The following RSPH14 variants were observed in gnomAD, a reference collection of about 807,000 sequenced individuals.
RSPH14 encodes the protein rhabdoid tumor deletion region gene 1.
A neutral mutation model predicts 26.7 loss-of-function variants in RSPH14; 20 were observed. That is an observed-to-expected ratio of 0.75 (90% CI 0.53 to 1.09). The LOEUF (loss-of-function observed/expected upper bound fraction) is 1.09. Ranked by LOEUF, RSPH14 falls within the 50% of genes least tolerant of loss-of-function variation. RSPH14 has a pLI of 0.00. For missense variants in RSPH14, 449 were observed against 457.2 expected, an observed-to-expected ratio of 0.98 and a Z score of 0.16; for synonymous variants, 177 against 189.3, an observed-to-expected ratio of 0.93 and a Z score of 0.53.
At chr22:23,087,284 AG>A (rs1205631788) in intron 4 of RSPH14, among the ~76,000 whole-genome samples, 8 of 152,090 alleles carry the variant, frequency 5.3e-5, no homozygotes, top group African/African-American at 1.9e-4. Flanking sequence ...TGAGCAACAT[AG>A]TGAGACCCCC....
At chr22:23,068,742 A>G (rs1214699910) in intron 4 of RSPH14, among the ~76,000 whole-genome samples, 1 of 152,202 alleles carries the variant, frequency 6.6e-6, no homozygotes, top group Non-Finnish European at 1.5e-5. Context: ...TCCTATAAAC[A>G]TTAACCCTCA....
At chr22:23,094,118 C>T (rs2069058701) in intron 4 of RSPH14, among the ~76,000 whole-genome samples, 1 of 152,150 alleles carries the variant, frequency 6.6e-6, no homozygotes, top group Admixed American at 6.5e-5. Flanking sequence ...CACCCCAGGG[C>T]CTGTCACAGA....
chr22:23,153,133 A>G, the RSPH14 span: 1 of 1,613,152 alleles, frequency 6.2e-7, no homozygotes, highest in Non-Finnish European at 8.5e-7. Context: ...TAGCCTCCAG[A>G]TGTAAGTTGC....
chr22:23,134,269 T>G, intron 3 of RSPH14, 125 bp from the exon 4 acceptor site: 1 of 689,756 alleles, frequency 1.4e-6, no homozygotes. Context: ...TTCCTCTGGC[T>G]TTGTGGGAGC....
upstream of RSPH14, among the ~76,000 whole-genome samples, chr22:23,148,074 T>C (rs944786765): frequency 6.6e-6 from 1 of 152,094 alleles, no homozygotes; most frequent in African/African-American, 2.4e-5. Context: ...CTTTTTTGCA[T>C]CTTGGATTCT....
At chr22:23,123,004 G>C in intron 4 of RSPH14, 1 of 897,944 alleles carries the variant, frequency 1.1e-6, no homozygotes, top group Admixed American at 1.9e-5. Flanking sequence ...CCTAGCAAAG[G>C]CTTCCTCTGG....
chr22:23,059,723 A>C lies in RSPH14; in HGVS notation c.791-5T>G, dbSNP rs1234359693. ...CCTCCAGGGCCGCATACTTCCCTGC[A>C]GGCCACCAACACAAGGCGTTCCAAA... On this transcript the variant is annotated splice_polypyrimidine_tract_variant and splice_region_variant and intron_variant, in intron 6 of 6. Transcript: ENST00000216036. The C allele has an allele frequency of 6.6e-7, 1 of 1,515,906 alleles. No homozygotes were observed. The highest frequency in any genetic ancestry group is 2.3e-5 in the East Asian group (1 of 44,014). The allele number at this position is 1,515,906 out of a possible 1,614,324, so 93.9% of individuals were successfully genotyped here.
At chr22:23,145,062 G>T (rs1279285195), upstream of RSPH14, 2 of 449,596 alleles carry the variant, frequency 4.4e-6, no homozygotes, top group Admixed American at 7.1e-5. Flanking sequence ...GTAGATGGTA[G>T]GCAGGTCTAT....
intron 4 of RSPH14, among the ~76,000 whole-genome samples, chr22:23,073,744 C>CATTT (rs1345407636): frequency 1.3e-5 from 2 of 152,226 alleles, no homozygotes; most frequent in African/African-American, 2.4e-5. Flanking sequence ...TTCATCCATT[C>CATTT]ATTTGTTCAG....
intron 4 of RSPH14, among the ~76,000 whole-genome samples, chr22:23,089,620 C>T (rs1323480260): frequency 1.3e-5 from 2 of 152,152 alleles, no homozygotes; most frequent in Non-Finnish European, 2.9e-5. Flanking sequence ...GTTACAGGAA[C>T]AGACTTGAGA....
At chr22:23,156,535 G>A in the RSPH14 span, among the ~76,000 whole-genome samples, 1 of 152,174 alleles carries the variant, frequency 6.6e-6, no homozygotes, top group East Asian at 1.9e-4. Flanking sequence ...CGTCAGCAGG[G>A]GGCGGCAGCA....
chr22:23,180,391 G>C, the RSPH14 span: 1 of 168,246 alleles, frequency 5.9e-6, no homozygotes, highest in South Asian at 1.9e-4. Context: ...CTCGATGGGG[G>C]AGCCGCCTCC....
the RSPH14 span, among the ~76,000 whole-genome samples, chr22:23,171,855 C>CAAAAAAAAAAAAAAAAAAAAAAAA: frequency 8.0e-5 from 2 of 25,054 alleles, no homozygotes. Flanking sequence ...AAAAAAAAAA[C>CAAAAAAAAAAAAAAAAAAAAAAAA]AAAAAAAAAA....
chr22:23,140,475 A>G lies in RSPH14; in HGVS notation c.-52-3T>C, dbSNP rs2070575356. 1 of 1,577,740 alleles carries G rather than the reference A, an allele frequency of 6.3e-7. No individual in the cohort carries two copies. Among genetic ancestry groups the G allele is most frequent in the African/African-American group, 1.4e-5 (1 of 73,928 alleles). Reference sequence around the variant, plus strand: ...TGAAGCTCTGCAGAAACCACTCACTAAAAGAGACCAAAAAGCTGTCATTAT... The same window carrying G: ...TGAAGCTCTGCAGAAACCACTCACTGAAAGAGACCAAAAAGCTGTCATTAT... On this transcript the variant is annotated splice_polypyrimidine_tract_variant and splice_region_variant and intron_variant, in intron 1 of 6. Transcript: ENST00000216036.
chr22:23,120,742 C>A (rs933179082), intron 4 of RSPH14, among the ~76,000 whole-genome samples: 4 of 152,088 alleles, frequency 2.6e-5, no homozygotes, highest in African/African-American at 9.7e-5. Context: ...AGCCCCCTAC[C>A]CCAAAAGGAC....
At chr22:23,135,380 T>C (rs2070454519) in intron 3 of RSPH14, among the ~76,000 whole-genome samples, 1 of 147,430 alleles carries the variant, frequency 6.8e-6, no homozygotes, top group Non-Finnish European at 1.5e-5. Flanking sequence ...TAGTCCCAGC[T>C]ACTTTGGAGG....
chr22:23,101,124 C>A (rs1374903820), intron 4 of RSPH14, among the ~76,000 whole-genome samples: 1 of 152,134 alleles, frequency 6.6e-6, no homozygotes, highest in East Asian at 1.9e-4. Context: ...ACAGATGATA[C>A]CCTCTCCCCA....
upstream of RSPH14, among the ~76,000 whole-genome samples, chr22:23,147,781 T>A (rs1240795987): frequency 6.6e-6 from 1 of 152,174 alleles, no homozygotes; most frequent in Non-Finnish European, 1.5e-5. Flanking sequence ...AAACAAGTAA[T>A]GCTTCCTGGC....
the RSPH14 span, chr22:23,160,991 C>T: frequency 6.2e-7 from 1 of 1,610,238 alleles, no homozygotes; most frequent in Non-Finnish European, 8.5e-7. Context: ...GCAATGGAGA[C>T]CTAATCCGTG....
Sources: allele counts gnomAD v4.1 joint callset (sites outside exome capture counted in the v4.1 genomes callset), GRCh38; gene constraint gnomAD v4.1.1; transcripts MANE v1.5; gene names NCBI Gene and HGNC (gene_info 2026-07-23, HGNC 2026-07-21).